Variants in DENND2B observed in about 807,000 individuals in gnomAD.
DENND2B encodes the protein DENN domain-containing protein 2B.
A neutral mutation model predicts 116.0 loss-of-function variants in DENND2B; 32 were observed. That is an observed-to-expected ratio of 0.28 (90% CI 0.21 to 0.37). The LOEUF (loss-of-function observed/expected upper bound fraction) is 0.37, where lower values mean the gene tolerates loss of function less well. DENND2B is among the 10% of genes least tolerant of loss of function. The pLI, the probability that DENND2B is intolerant of heterozygous loss-of-function variation, is 1.00. For synonymous variants in DENND2B, 588 were observed against 583.9 expected (o/e 1.01, Z -0.10); for missense variants, 1,276 against 1,477.7 (o/e 0.86, Z 2.24).
At chr11:8,892,494 C>T (rs999913787) in intron 1 of DENND2B, among the ~76,000 whole-genome samples, 1 of 151,828 alleles carries the variant, frequency 6.6e-6, no homozygotes, top group African/African-American at 2.4e-5. Flanking sequence ...ATTGATAGAC[C>T]ACTAGCAAGA....
intron 4 of DENND2B, among the ~76,000 whole-genome samples, chr11:8,832,935 C>T (rs201242010): frequency 6.6e-6 from 1 of 152,222 alleles, no homozygotes; most frequent in African/African-American, 2.4e-5. Context: ...TAGGGAGACC[C>T]GAAGCAATCC....
At chr11:8,717,917 A>G in intron 4 of DENND2B, 25 bp from the exon 5 acceptor site, 2 of 1,598,438 alleles carry the variant, frequency 1.3e-6, no homozygotes, top group African/African-American at 1.3e-5. Context: ...GAGTTAGAGA[A>G]GGGGGAGAAG....
intron 1 of DENND2B, among the ~76,000 whole-genome samples, chr11:8,754,029 G>GCGCACACACACACACA (rs146486674): frequency 0.019 from 2,685 of 138,766 alleles, 62 homozygotes; most frequent in African/African-American, 0.039. Context: ...CCAAAAGCGC[G>GCGCACACACACACACA]CACACACACA....
chr11:8,725,809 A>G (rs1053424193), intron 4 of DENND2B, among the ~76,000 whole-genome samples: 3 of 152,236 alleles, frequency 2.0e-5, no homozygotes, highest in Non-Finnish European at 4.4e-5. Flanking sequence ...TTCCAAAAAT[A>G]AAGGAAAGGA....
rs1287941055 is a variant in DENND2B at position 8,711,206 on chromosome 11, C to T, written c.2198G>A (p.Arg733Gln). The change falls in exon 10 of 20, where the codon CGA becomes CAA. Residue 733 changes from arginine (R) to glutamine (Q), a missense_variant. Around this residue, in one of 2 missense-constraint regions of DENND2B, gnomAD observed 420 missense variants for 631.1 expected, o/e 0.67. Coordinates refer to ENST00000313726, the MANE Select transcript of DENND2B (RefSeq NM_213618.2). The stretch of plus-strand genomic sequence containing the variant: ...GGCTTTGAGCCTTTCCTCTGCCTCT[C>T]GCATCTGCTTGGTGGGTCGGTCCAG... ...PKLDRPTKQM[R>Q]EAEERLKAIP... 14 of 1,613,838 alleles carry T rather than the reference C, an allele frequency of 8.7e-6. No homozygotes were observed. The highest frequency in any genetic ancestry group is 2.2e-5 in the East Asian group (1 of 44,858).
At chr11:8,737,756 CT>C (rs1366155744) in intron 2 of DENND2B, among the ~76,000 whole-genome samples, 1 of 151,484 alleles carries the variant, frequency 6.6e-6, no homozygotes, top group Non-Finnish European at 1.5e-5. Context: ...TCTCCTTCCT[CT>C]TCTTCCTCTC....
At chr11:8,734,499 G>A (rs1023281834) in intron 2 of DENND2B, among the ~76,000 whole-genome samples, 18 of 152,206 alleles carry the variant, frequency 1.2e-4, no homozygotes, top group African/African-American at 3.6e-4. Flanking sequence ...GGAAGATCAC[G>A]TATCTCGGCC....
At chr11:8,842,873 T>G (rs145219514) in intron 3 of DENND2B, among the ~76,000 whole-genome samples, 24 of 152,282 alleles carry the variant, frequency 1.6e-4, no homozygotes, top group Admixed American at 8.5e-4. Flanking sequence ...TAAGGGTGAT[T>G]TCGTAAATGC....
At chr11:8,732,346 C>G (rs2048259713) in intron 2 of DENND2B, among the ~76,000 whole-genome samples, 1 of 152,196 alleles carries the variant, frequency 6.6e-6, no homozygotes, top group African/African-American at 2.4e-5. Flanking sequence ...CACTAAGGCA[C>G]AGAAAGGTTT....
intron 3 of DENND2B, among the ~76,000 whole-genome samples, chr11:8,727,877 T>C (rs1364523268): frequency 6.7e-6 from 1 of 149,612 alleles, no homozygotes; most frequent in Non-Finnish European, 1.5e-5. Flanking sequence ...TGTCTCTCAT[T>C]AAAACTAATA....
chr11:8,877,248 T>C (rs1472913487), intron 2 of DENND2B, among the ~76,000 whole-genome samples: 1 of 151,556 alleles, frequency 6.6e-6, no homozygotes, highest in Non-Finnish European at 1.5e-5. Flanking sequence ...GGACTACAGG[T>C]GCCCACCACC....
chr11:8,837,155 A>G (rs920009978), intron 4 of DENND2B, among the ~76,000 whole-genome samples: 1 of 150,484 alleles, frequency 6.6e-6, no homozygotes, highest in Non-Finnish European at 1.5e-5. Context: ...AAAAAAGTCT[A>G]AACTATGCAA....
intron 2 of DENND2B, among the ~76,000 whole-genome samples, chr11:8,746,333 T>C (rs1226359796): frequency 6.6e-6 from 1 of 152,194 alleles, no homozygotes; most frequent in African/African-American, 2.4e-5. Flanking sequence ...CCTGCAAATA[T>C]GAGTTGAAAT....
chr11:8,894,994 C>G (rs1264789041), intron 1 of DENND2B, among the ~76,000 whole-genome samples: 1 of 152,094 alleles, frequency 6.6e-6, no homozygotes, highest in Non-Finnish European at 1.5e-5. Context: ...GACTTGGAAC[C>G]AACCCAAATG....
At chr11:8,801,689 A>AAAGAAAG (rs2060338641) in intron 1 of DENND2B, among the ~76,000 whole-genome samples, 3 of 117,698 alleles carry the variant, frequency 2.5e-5, no homozygotes, top group Non-Finnish European at 5.1e-5. Flanking sequence ...AAAAAAAAAA[A>AAAGAAAG]AAAGAAAGAA....
At position 8,842,834 on chromosome 11, in the gene DENND2B, AAG is replaced by A. The variant is rs545058248; in HGVS notation, c.-155-3486_-155-3485del. On this transcript the variant is annotated intron_variant, in intron 3 of 6. Transcript: ENST00000524757. ...ACACGTGCTACCTTTCCTGAGACCAAAGAGTTTATACAGTTAAATTCTTTACA... is the reference window on the plus strand; with the variant it reads ...ACACGTGCTACCTTTCCTGAGACCAAAGTTTATACAGTTAAATTCTTTACA... 9.8e-5 allele frequency among the ~76,000 whole-genome samples: 15 copies of A among 152,308 alleles called. No individual in the cohort carries two copies. The South Asian group carries it at 3.1e-3, about 32-fold the overall frequency.
chr11:8,697,901 G>A, intron 16 of DENND2B: 1 of 519,032 alleles, frequency 1.9e-6, no homozygotes, highest in South Asian at 1.8e-5. Flanking sequence ...GGCTGAGCGG[G>A]AGGATCGCTT....
chr11:8,765,369 G>A (rs1280343188), intron 1 of DENND2B, among the ~76,000 whole-genome samples: 1 of 152,192 alleles, frequency 6.6e-6, no homozygotes, highest in African/African-American at 2.4e-5. Flanking sequence ...TGAACTCACA[G>A]GGATACTGCT....
chr11:8,843,160 G>C (rs548011234), intron 3 of DENND2B, among the ~76,000 whole-genome samples: 1 of 152,252 alleles, frequency 6.6e-6, no homozygotes, highest in Admixed American at 6.5e-5. Context: ...GGGATTACAG[G>C]CAAGTGCCAC....
Sources: gnomAD v4.1 joint callset for allele counts (sites outside exome capture counted in the v4.1 genomes callset) on GRCh38, gnomAD v4.1.1 for gene constraint, gnomAD v4.1.1 regional missense constraint, MANE v1.5 for transcripts, NCBI Gene and HGNC (gene_info 2026-07-23, HGNC 2026-07-21) for gene names.